The following DAB2IP variants were observed in gnomAD, a reference collection of about 807,000 sequenced individuals.
DAB2IP encodes DAB2 interacting protein.
DAB2IP carries 28 observed loss-of-function variants against 107.2 expected under a neutral mutation model. The ratio of observed to expected loss-of-function variants is 0.26; its 90% CI spans 0.19 to 0.36. The LOEUF is 0.36. DAB2IP is among the 10% of genes least tolerant of loss of function. The pLI, the probability that DAB2IP is intolerant of heterozygous loss-of-function variation, is 1.00. For missense variants in DAB2IP, 1,400 were observed against 1,644.7 expected, an observed-to-expected ratio of 0.85 and a Z score of 2.57; for synonymous variants, 755 against 706.4, an observed-to-expected ratio of 1.07 and a Z score of -1.09.
chr9:121,776,383 C>A lies in DAB2IP; in HGVS notation c.3306C>A (p.Ile1102=). 6.5e-7 allele frequency: 1 copy of A among 1,540,666 alleles called. No individual in the cohort carries two copies. The highest frequency in any genetic ancestry group is 1.2e-5 in the South Asian group (1 of 82,354). The stretch of plus-strand genomic sequence containing the variant: ...ACAAGGACATCCAGATGAAGGGCAT[C>A]ATCAGCAGGTGGGGCCCACACCTGC... The change falls in exon 14 of 16, where the codon ATC becomes ATA. Residue 1102 remains isoleucine, a synonymous_variant. Transcript: ENST00000408936. This position sits in a 1 kb window ranked among gnomAD's most constrained non-coding sequence, Gnocchi z 5.4.
intron 1 of DAB2IP, among the ~76,000 whole-genome samples, chr9:121,625,688 A>G (rs1453613260): frequency 6.9e-6 from 1 of 144,904 alleles, no homozygotes; most frequent in African/African-American, 2.6e-5. Context: ...TTTCCCAATG[A>G]TGCCAGTTCT....
intron 3 of DAB2IP, among the ~76,000 whole-genome samples, chr9:121,730,541 G>T (rs576427256): frequency 1.1e-4 from 17 of 152,248 alleles, no homozygotes; most frequent in African/African-American, 4.1e-4. Context: ...CCCTGGGCCA[G>T]TGTGGGTCCA....
chr9:121,780,973 G>A (rs117789343), intron 14 of DAB2IP, among the ~76,000 whole-genome samples: 1 of 152,208 alleles, frequency 6.6e-6, no homozygotes, highest in Non-Finnish European at 1.5e-5. Context: ...TCCGTGCAGG[G>A]TGTAGTTAGT....
At chr9:121,596,199 C>T (rs1259949987) in intron 1 of DAB2IP, among the ~76,000 whole-genome samples, 4 of 152,130 alleles carry the variant, frequency 2.6e-5, no homozygotes, top group East Asian at 3.8e-4. Context: ...GGCATGGTGG[C>T]GCATGCCTGT....
At chr9:121,569,351 G>C (rs545712955) in intron 1 of DAB2IP, among the ~76,000 whole-genome samples, 1 of 152,222 alleles carries the variant, frequency 6.6e-6, no homozygotes, top group Admixed American at 6.5e-5. Flanking sequence ...GTGCACTGAT[G>C]GGGGAAGTCA....
chr9:121,684,568 GC>G lies in DAB2IP; in HGVS notation c.228+5791del, dbSNP rs1828764647. 6.6e-6 allele frequency among the ~76,000 whole-genome samples: 1 copy of G among 152,128 alleles called. No homozygotes were observed. The highest frequency in any genetic ancestry group is 1.5e-5 in the Non-Finnish European group (1 of 68,010). On this transcript the variant is annotated intron_variant, in intron 2 of 15. Coordinates refer to ENST00000408936, the Ensembl canonical transcript of DAB2IP. This position sits in a 1 kb window ranked among gnomAD's most constrained non-coding sequence, Gnocchi z 4.0. ...GCCCCCTCCTGGCCACCAGGCCCCA[GC>G]CCCAGCTGTAGAGGGACCCGAAGTT...
At chr9:121,658,553 T>A (rs1445040912) in intron 1 of DAB2IP, among the ~76,000 whole-genome samples, 2 of 152,222 alleles carry the variant, frequency 1.3e-5, no homozygotes, top group Non-Finnish European at 2.9e-5. Context: ...TATTTAATTA[T>A]CCATCTGAAA....
intron 15 of DAB2IP, 92 bp downstream of exon 15, chr9:121,781,643 C>G: frequency 7.9e-7 from 1 of 1,265,070 alleles, no homozygotes; most frequent in South Asian, 1.2e-5. Context: ...TCATACCTCA[C>G]TGCAGACACT....
At chr9:121,605,398 A>T (rs1344386076) in intron 1 of DAB2IP, among the ~76,000 whole-genome samples, 1 of 152,198 alleles carries the variant, frequency 6.6e-6, no homozygotes. Flanking sequence ...GACCGGCCTA[A>T]AAGCAGGTTA....
At chr9:121,748,262 A>G (rs992988037) in intron 3 of DAB2IP, among the ~76,000 whole-genome samples, 4 of 152,230 alleles carry the variant, frequency 2.6e-5, no homozygotes, top group African/African-American at 9.6e-5. Flanking sequence ...CAGCTGGGAT[A>G]GAGACCAAAG....
At chr9:121,581,992 A>G (rs1373804591) in intron 1 of DAB2IP, among the ~76,000 whole-genome samples, 2 of 152,182 alleles carry the variant, frequency 1.3e-5, no homozygotes, top group Non-Finnish European at 2.9e-5. Context: ...GGCTGGAACA[A>G]AAGAGCTTGT....
At chr9:121,667,749 C>T (rs139002890) in intron 1 of DAB2IP, among the ~76,000 whole-genome samples, 7,404 of 151,622 alleles carry the variant, frequency 0.049, 337 homozygotes, top group East Asian at 0.16. Context: ...CTGCCCACCT[C>T]GGCCTCCCAA....
intron 14 of DAB2IP, among the ~76,000 whole-genome samples, chr9:121,777,814 A>G (rs1299909434): frequency 6.6e-6 from 1 of 152,192 alleles, no homozygotes; most frequent in East Asian, 1.9e-4. Flanking sequence ...TTAGGTGCAT[A>G]TACATTTAGG....
chr9:121,642,869 G>A (rs1832410322), intron 1 of DAB2IP, among the ~76,000 whole-genome samples: 1 of 152,166 alleles, frequency 6.6e-6, no homozygotes, highest in Non-Finnish European at 1.5e-5. Flanking sequence ...AGAGATTGGG[G>A]CAAAGGCACT....
At chr9:121,668,525 C>T (rs2119110282) in intron 1 of DAB2IP, among the ~76,000 whole-genome samples, 1 of 152,136 alleles carries the variant, frequency 6.6e-6, no homozygotes, top group South Asian at 2.1e-4. Context: ...AGGTGTGAGC[C>T]ACTGCACCCA....
At chr9:121,746,024 G>A (rs1490029777) in intron 3 of DAB2IP, among the ~76,000 whole-genome samples, 4 of 152,174 alleles carry the variant, frequency 2.6e-5, no homozygotes, top group Non-Finnish European at 5.9e-5. Context: ...TAAGGGGGTA[G>A]AGCAGGTGAG....
chr9:121,703,986 A>G (rs1349574349), intron 3 of DAB2IP, among the ~76,000 whole-genome samples: 2 of 152,240 alleles, frequency 1.3e-5, no homozygotes, highest in East Asian at 3.8e-4. Flanking sequence ...ACACCTGGGA[A>G]AGCAAAGCTC....
intron 3 of DAB2IP, among the ~76,000 whole-genome samples, chr9:121,710,298 C>CAAA (rs1830278183): frequency 6.6e-6 from 1 of 152,090 alleles, no homozygotes; most frequent in Non-Finnish European, 1.5e-5. Flanking sequence ...TGCTGCCAGG[C>CAAA]GGTTTGGAAG....
chr9:121,588,158 A>G (rs1017031925), intron 1 of DAB2IP, among the ~76,000 whole-genome samples: 3 of 152,110 alleles, frequency 2.0e-5, no homozygotes, highest in African/African-American at 7.2e-5. Flanking sequence ...TTAGCGGCAA[A>G]CCTTACTTCT....
Sources: allele counts gnomAD v4.1 joint callset (sites outside exome capture counted in the v4.1 genomes callset), GRCh38; gene constraint gnomAD v4.1.1; non-coding constraint Gnocchi (gnomAD v3.1); transcripts MANE v1.5; gene names NCBI Gene and HGNC (gene_info 2026-07-23, HGNC 2026-07-21).